ECPAS: variants seen among roughly 807,000 people sequenced by gnomAD.
ECPAS encodes the protein proteasome adapter and scaffold protein ECM29.
Under a neutral mutation model 255.1 loss-of-function variants are expected in ECPAS, and 70 were observed. That is an observed-to-expected ratio of 0.27 (90% CI 0.23 to 0.33). The LOEUF (loss-of-function observed/expected upper bound fraction) is 0.33. Among genes scored for constraint, ECPAS ranks in the 10% least tolerant of loss-of-function variants. The pLI, the probability that ECPAS is intolerant of heterozygous loss-of-function variation, is 1.00. For synonymous variants in ECPAS, 784 were observed against 775.0 expected, an observed-to-expected ratio of 1.01 and a Z score of -0.19; for missense variants, 1,817 against 2,206.4, an observed-to-expected ratio of 0.82 and a Z score of 3.54.
chr9:111,429,332 G>C (rs1407494848), intron 9 of ECPAS, among the ~76,000 whole-genome samples: 1 of 151,836 alleles, frequency 6.6e-6, no homozygotes, highest in Non-Finnish European at 1.5e-5. Context: ...ACATGGCTTT[G>C]ATATGTGGTA....
chr9:111,435,354 C>T (rs915924750), intron 7 of ECPAS, among the ~76,000 whole-genome samples: 2 of 152,212 alleles, frequency 1.3e-5, no homozygotes, highest in African/African-American at 2.4e-5. Flanking sequence ...CTAAACTGTT[C>T]GTTTCAGCAC....
intron 1 of ECPAS, among the ~76,000 whole-genome samples, chr9:111,477,171 C>G (rs1369576692): frequency 6.6e-6 from 1 of 151,366 alleles, no homozygotes; most frequent in African/African-American, 2.4e-5. Flanking sequence ...TGCAGTGGTG[C>G]GTTCTCAGCT....
chr9:111,433,340 A>G lies in ECPAS; in HGVS notation c.741T>C (p.Ala247=). Residue 247 remains alanine (A), a synonymous_variant, in exon 8 of 50, where the codon GCT becomes GCC. Coordinates refer to ENST00000684092, the MANE Select transcript of ECPAS (RefSeq NM_001364929.1). ...CKLGIVKFIE[A]EQVPELEAVL... ...CAGCTTCAAGTTCAGGCACCTGTTC[A>G]GCTTCTATGAATTTCACGATTCCCA... 6.2e-7 allele frequency: 1 copy of G among 1,614,024 alleles called. No homozygotes were observed. Among genetic ancestry groups the G allele is most frequent in the Non-Finnish European group, 8.5e-7 (1 of 1,179,868 alleles).
intron 1 of ECPAS, among the ~76,000 whole-genome samples, chr9:111,480,356 G>T (rs1453866502): frequency 6.9e-6 from 1 of 144,402 alleles, no homozygotes; most frequent in Non-Finnish European, 1.5e-5. Flanking sequence ...GGAGTGCAGC[G>T]GCACAATCTT....
At chr9:111,366,415 A>T in intron 47 of ECPAS, 88 bp from the exon 48 acceptor site, 1 of 1,269,586 alleles carries the variant, frequency 7.9e-7, no homozygotes, top group Non-Finnish European at 1.1e-6. Flanking sequence ...TGTATGTATC[A>T]CTGTCACTTT....
chr9:111,447,101 C>CT (rs200871078), intron 3 of ECPAS, among the ~76,000 whole-genome samples: 3 of 151,122 alleles, frequency 2.0e-5, no homozygotes, highest in Non-Finnish European at 3.0e-5. Context: ...CAATTGCATG[C>CT]TTTTTTTTAA....
At chr9:111,481,363 G>T (rs991548377) in intron 1 of ECPAS, among the ~76,000 whole-genome samples, 1 of 152,196 alleles carries the variant, frequency 6.6e-6, no homozygotes, top group Admixed American at 6.5e-5. Flanking sequence ...AAAATTAGCC[G>T]GGCGTGGTGG....
intron 3 of ECPAS, among the ~76,000 whole-genome samples, chr9:111,449,936 C>G (rs879340948): frequency 2.6e-5 from 4 of 152,288 alleles, no homozygotes; most frequent in Non-Finnish European, 4.4e-5. Context: ...TGGTCTCCCC[C>G]ACCTCTTGGC....
intron 23 of ECPAS, 38 bp downstream of exon 23, chr9:111,410,003 C>T (rs1307976889): frequency 1.1e-5 from 16 of 1,493,878 alleles, no homozygotes; most frequent in Non-Finnish European, 1.3e-5. Flanking sequence ...ATAGAAAGAC[C>T]GAATTCCAGA....
At position 111,363,922 on chromosome 9, in the gene ECPAS, T is replaced by C. The variant is rs143635841; in HGVS notation, c.5309-263A>G. Among the ~76,000 whole-genome samples the C allele has an allele frequency of 7.3e-3, 1,113 of 152,296 alleles. 9 individuals are homozygous for C. Among genetic ancestry groups the C allele is most frequent in the Non-Finnish European group, 0.011 (769 of 68,012 alleles). ...ACCACAACAAATGGCAATATTTAAA[T>C]GATCCATTTTAGAAGTGGGAGATGA... On this transcript the variant is annotated intron_variant, in intron 48 of 49. Transcript: ENST00000684092.
chr9:111,395,801 T>TAACAA (rs2098166759), intron 25 of ECPAS, among the ~76,000 whole-genome samples: 1 of 152,188 alleles, frequency 6.6e-6, no homozygotes, highest in African/African-American at 2.4e-5. Context: ...CAGGTTTGGT[T>TAACAA]GTCTTCTTGT....
At chr9:111,389,818 G>T (rs1257723805) in intron 30 of ECPAS, 95 bp from the exon 31 acceptor site, 2 of 1,315,590 alleles carry the variant, frequency 1.5e-6, no homozygotes, top group Non-Finnish European at 2.1e-6. Flanking sequence ...CCTAAATACA[G>T]CCTGATTTAT....
chr9:111,419,021 C>T (rs566791042), intron 16 of ECPAS, among the ~76,000 whole-genome samples: 1 of 152,144 alleles, frequency 6.6e-6, no homozygotes, highest in East Asian at 1.9e-4. Context: ...ATTAAAATAC[C>T]AACCAAATAA....
intron 2 of ECPAS, among the ~76,000 whole-genome samples, chr9:111,455,311 C>G (rs1167474856): frequency 6.6e-6 from 1 of 152,074 alleles, no homozygotes; most frequent in African/African-American, 2.4e-5. Flanking sequence ...GGTGAAACCC[C>G]ATCTCTACTA....
intron 21 of ECPAS, among the ~76,000 whole-genome samples, chr9:111,411,433 C>T (rs2098194261): frequency 6.6e-6 from 1 of 152,162 alleles, no homozygotes; most frequent in African/African-American, 2.4e-5. Flanking sequence ...CCTACATGCT[C>T]CTACATGCTC....
chr9:111,397,059 A>G lies in ECPAS; in HGVS notation c.2747T>C (p.Met916Thr). 1 of 1,613,998 alleles carries G rather than the reference A, an allele frequency of 6.2e-7. No individual in the cohort carries two copies. Among genetic ancestry groups the G allele is most frequent in the Non-Finnish European group, 8.5e-7 (1 of 1,179,842 alleles). Residue 916 changes from methionine (M) to threonine (T), a missense_variant, in exon 25 of 50, where the codon ATG (methionine) becomes ACG (threonine). Transcript: ENST00000684092. ...SSVAARDAWQ[M>T]TEEEYTPPAG... ...AGGTGGAGTATATTCCTCTTCAGTC[A>G]TTTGCCAGGCATCTCGGGCAGCCAC...
chr9:111,479,905 G>A (rs925890684), intron 1 of ECPAS, among the ~76,000 whole-genome samples: 5 of 151,288 alleles, frequency 3.3e-5, no homozygotes, highest in Admixed American at 2.6e-4. Context: ...CTTAAACCCA[G>A]GCGGCAAAGG....
chr9:111,433,793 G>A (rs966081824), intron 7 of ECPAS, among the ~76,000 whole-genome samples: 15 of 152,094 alleles, frequency 9.9e-5, no homozygotes, highest in African/African-American at 3.4e-4. Context: ...GGTACACTAG[G>A]AATATAGTGC....
intron 2 of ECPAS, among the ~76,000 whole-genome samples, chr9:111,458,011 C>G (rs1346452470): frequency 6.6e-6 from 1 of 152,154 alleles, no homozygotes; most frequent in Non-Finnish European, 1.5e-5. Flanking sequence ...TGTGCATATA[C>G]ATACACACAT....
Sources: allele counts gnomAD v4.1 joint callset (sites outside exome capture counted in the v4.1 genomes callset), GRCh38; gene constraint gnomAD v4.1.1; transcripts MANE v1.5; gene names NCBI Gene and HGNC (gene_info 2026-07-23, HGNC 2026-07-21).